The following PIK3C2G variants were observed in gnomAD, a reference collection of about 807,000 sequenced individuals.
The protein encoded by PIK3C2G is phosphatidylinositol 3-kinase C2 domain-containing subunit gamma.
PIK3C2G carries 168 observed loss-of-function variants against 181.1 expected under a neutral mutation model. The observed-to-expected ratio is 0.93, with a 90% confidence interval of 0.82 to 1.05. PIK3C2G has a LOEUF of 1.05. PIK3C2G is among the 50% of genes least tolerant of loss of function. The pLI is 0.00. For synonymous variants in PIK3C2G, 573 were observed against 592.2 expected (o/e 0.97, Z 0.47); for missense variants, 1,869 against 1,732.8 (o/e 1.08, Z -1.40).
intron 11 of PIK3C2G, among the ~76,000 whole-genome samples, chr12:18,353,363 CAT>C (rs1940417720): frequency 6.6e-6 from 1 of 152,060 alleles, no homozygotes; most frequent in African/African-American, 2.4e-5. Context: ...ATGGGTCACA[CAT>C]GTGTATTATA....
the PIK3C2G span, among the ~76,000 whole-genome samples, chr12:18,706,406 A>G: frequency 1.3e-5 from 2 of 152,234 alleles, no homozygotes; most frequent in Non-Finnish European, 2.9e-5. Flanking sequence ...CATTATTAAC[A>G]CTGATGAGTT....
At chr12:18,324,924 A>G (rs1951268270) in intron 7 of PIK3C2G, 111 bp from the exon 8 acceptor site, 1 of 586,710 alleles carries the variant, frequency 1.7e-6, no homozygotes, top group Non-Finnish European at 3.0e-6. Flanking sequence ...TTTTTATACC[A>G]TGCCTACGAT....
the PIK3C2G span, among the ~76,000 whole-genome samples, chr12:18,655,939 C>T: frequency 7.2e-5 from 11 of 151,870 alleles, no homozygotes; most frequent in East Asian, 1.9e-4. Context: ...GATCCTGAAA[C>T]GGAAAAACTA....
chr12:18,321,518 T>C (rs749690832), intron 7 of PIK3C2G, among the ~76,000 whole-genome samples: 2 of 152,336 alleles, frequency 1.3e-5, no homozygotes, highest in Middle Eastern at 3.4e-3. Context: ...TGTATGCATG[T>C]ATTATTTGGA....
chr12:18,509,302 C>T (rs1039483535), intron 24 of PIK3C2G, among the ~76,000 whole-genome samples: 35 of 152,178 alleles, frequency 2.3e-4, no homozygotes, highest in Non-Finnish European at 4.3e-4. Flanking sequence ...CCCGCCTCGG[C>T]CTCTCAAAGT....
intron 24 of PIK3C2G, among the ~76,000 whole-genome samples, chr12:18,508,211 C>T (rs780853207): frequency 2.6e-4 from 39 of 152,278 alleles, no homozygotes; most frequent in Non-Finnish European, 4.7e-4. Context: ...ATTTTATGTC[C>T]GCTGGTGGCT....
At chr12:18,260,623 C>T (rs1948208245), upstream of PIK3C2G, among the ~76,000 whole-genome samples, 1 of 151,886 alleles carries the variant, frequency 6.6e-6, no homozygotes, top group African/African-American at 2.4e-5. Context: ...TCTTCTCTAC[C>T]CTTCCATGTA....
chr12:18,429,286 G>A (rs538887459), intron 18 of PIK3C2G, among the ~76,000 whole-genome samples: 13 of 152,282 alleles, frequency 8.5e-5, no homozygotes, highest in African/African-American at 2.4e-4. Flanking sequence ...GGAGCCTTGG[G>A]AGAGAGCACA....
chr12:18,696,014 A>C, the PIK3C2G span: 1 of 562,504 alleles, frequency 1.8e-6, no homozygotes, highest in South Asian at 1.9e-5. Flanking sequence ...ATGACCCACC[A>C]TTAGTGCCTG....
chr12:18,282,394 C>G lies in PIK3C2G; in HGVS notation c.313C>G (p.Pro105Ala). 1 of 1,613,288 alleles carries G rather than the reference C, an allele frequency of 6.2e-7. No individual in the cohort carries two copies. Among genetic ancestry groups the G allele is most frequent in the Non-Finnish European group, 8.5e-7 (1 of 1,179,326 alleles). Residue 105 changes from proline (P) to alanine (A), a missense_variant, in exon 2 of 33, where the codon CCA becomes GCA. Coordinates refer to ENST00000538779, the MANE Select transcript of PIK3C2G (RefSeq NM_001288772.2). ...CTCCTGGCATCAAGTTAGCAAAGCA[C>G]CAGCAATTGGTTTTAGTCCTTCTGT... is the stretch of plus-strand genomic sequence containing the variant. ...ELSWHQVSKA[P>A]AIGFSPSVLP...
chr12:18,710,064 G>C, the PIK3C2G span, among the ~76,000 whole-genome samples: 2 of 151,362 alleles, frequency 1.3e-5, no homozygotes, highest in Non-Finnish European at 2.9e-5. Context: ...GTGTGGAATC[G>C]TTGGGCTTTT....
intron 13 of PIK3C2G, among the ~76,000 whole-genome samples, chr12:18,376,005 C>T (rs888221283): frequency 8.5e-5 from 13 of 152,204 alleles, no homozygotes; most frequent in African/African-American, 2.9e-4. Context: ...TTGGAAAGCC[C>T]GGGTGCCCAG....
the PIK3C2G span, chr12:18,694,884 T>C: frequency 1.3e-6 from 2 of 1,533,756 alleles, no homozygotes; most frequent in African/African-American, 1.4e-5. Context: ...AACCAAAAAA[T>C]GTAAAAGAAA....
chr12:18,715,945 G>A, the PIK3C2G span: 1 of 152,132 alleles, frequency 6.6e-6, no homozygotes, highest in Non-Finnish European at 1.5e-5. Flanking sequence ...AATATTCATA[G>A]AGAAATCTTG....
intron 18 of PIK3C2G, among the ~76,000 whole-genome samples, chr12:18,470,883 ATG>A (rs1398774538): frequency 1.3e-5 from 2 of 152,086 alleles, no homozygotes; most frequent in Non-Finnish European, 2.9e-5. Context: ...TTTTATTATA[ATG>A]TTTTATTATA....
chr12:18,462,713 G>A (rs950186529), intron 18 of PIK3C2G, among the ~76,000 whole-genome samples: 10 of 152,240 alleles, frequency 6.6e-5, no homozygotes, highest in African/African-American at 1.9e-4. Context: ...ATGTGGACTC[G>A]CTGGTTTTAT....
intron 29 of PIK3C2G, among the ~76,000 whole-genome samples, chr12:18,587,993 C>T (rs775573111): frequency 7.2e-5 from 11 of 151,868 alleles, no homozygotes; most frequent in Non-Finnish European, 1.2e-4. Context: ...CTGACAAAAG[C>T]AATGGGGAAA....
intron 26 of PIK3C2G, among the ~76,000 whole-genome samples, chr12:18,555,506 T>G (rs143426417): frequency 0.02 from 3,062 of 152,268 alleles, 43 homozygotes; most frequent in African/African-American, 0.04. Flanking sequence ...AGCAATTGTT[T>G]CTGATGATAA....
intron 16 of PIK3C2G, among the ~76,000 whole-genome samples, chr12:18,408,804 T>C (rs564241135): frequency 1.5e-3 from 223 of 152,244 alleles, no homozygotes; most frequent in Non-Finnish European, 2.2e-3. Flanking sequence ...AAAAAGCTTA[T>C]CATAACTTGT....
Sources: allele counts gnomAD v4.1 joint callset (sites outside exome capture counted in the v4.1 genomes callset), GRCh38; gene constraint gnomAD v4.1.1; transcripts MANE v1.5; gene names NCBI Gene and HGNC (gene_info 2026-07-23, HGNC 2026-07-21).